Variants in ADAM7 observed in about 807,000 individuals in gnomAD.
ADAM7 encodes ADAM metallopeptidase domain 7.
A neutral mutation model predicts 102.9 loss-of-function variants in ADAM7; 97 were observed. That is an observed-to-expected ratio of 0.94 (90% confidence interval 0.80 to 1.12). ADAM7 has a LOEUF of 1.12. ADAM7 is among the 50% of genes most tolerant of loss of function. The pLI is 0.00. For missense variants in ADAM7, 991 were observed against 908.7 expected (o/e 1.09, Z -1.16); for synonymous variants, 334 against 304.4 (o/e 1.10, Z -1.01).
intron 1 of ADAM7, 98 bp downstream of exon 1, chr8:24,441,258 C>A: frequency 8.1e-7 from 1 of 1,227,494 alleles, no homozygotes; most frequent in Non-Finnish European, 1.2e-6. Flanking sequence ...AAACATTAAA[C>A]GTTGATGATT....
Position 24,487,249 on chromosome 8 carries a change from T to C in ADAM7, c.1023T>C (p.Leu341=). 6.2e-7 allele frequency: 1 copy of C among 1,613,924 alleles called. No homozygotes were observed. The highest frequency in any genetic ancestry group is 8.5e-7 in the Non-Finnish European group (1 of 1,179,894). ...NRMAHQLGHN[L]GMQHDEFPCT... is the part of the protein sequence containing the mutation. Reference sequence around the variant, plus strand: ...TGGCACATCAACTGGGGCATAACCTTGGGATGCAGCATGACGAGTTCCCAT... The same window carrying C: ...TGGCACATCAACTGGGGCATAACCTCGGGATGCAGCATGACGAGTTCCCAT... The change falls in exon 11 of 22, where the codon CTT becomes CTC. Residue 341 remains leucine, a synonymous_variant. Transcript: ENST00000175238.
chr8:24,470,180 C>T (rs1303664596), intron 7 of ADAM7, among the ~76,000 whole-genome samples: 3 of 151,984 alleles, frequency 2.0e-5, no homozygotes, highest in Non-Finnish European at 4.4e-5. Context: ...ACAGAGCATA[C>T]GTTTTAAACA....
At chr8:24,475,495 C>A (rs1819737591) in intron 7 of ADAM7, among the ~76,000 whole-genome samples, 1 of 151,942 alleles carries the variant, frequency 6.6e-6, no homozygotes, top group Admixed American at 6.6e-5. Context: ...AAAATATGTT[C>A]ACAATGTATT....
At chr8:24,482,648 C>T (rs1819997738) in intron 9 of ADAM7, among the ~76,000 whole-genome samples, 1 of 152,038 alleles carries the variant, frequency 6.6e-6, no homozygotes, top group Admixed American at 6.6e-5. Flanking sequence ...ACTTGGGAAG[C>T]TGAGGCTGGA....
chr8:24,509,237 A>G lies in ADAM7; in HGVS notation c.*691A>G. Reference sequence around the variant, plus strand: ...GGGTTACAAGAATTTCAGAAAATTTACTCCAAGTGAGAGGACATACTCACA... The same window carrying G: ...GGGTTACAAGAATTTCAGAAAATTTGCTCCAAGTGAGAGGACATACTCACA... On this transcript the variant is annotated 3_prime_UTR_variant, in exon 22 of 22. Transcript: ENST00000175238. The G allele has an allele frequency of 2.0e-6, 2 of 985,378 alleles. No individual in the cohort carries two copies. Among genetic ancestry groups the G allele is most frequent in the East Asian group, 2.3e-4 (2 of 8,788 alleles). The allele number at this position is 985,378 out of a possible 1,614,324, so 61.0% of individuals were successfully genotyped here.
chr8:24,493,672 G>A (rs1403891697), intron 16 of ADAM7, among the ~76,000 whole-genome samples: 1 of 152,134 alleles, frequency 6.6e-6, no homozygotes, highest in Non-Finnish European at 1.5e-5. Context: ...TCAAAAAATT[G>A]CTTTCTTAGT....
intron 8 of ADAM7, among the ~76,000 whole-genome samples, chr8:24,480,305 C>T (rs532826910): frequency 6.6e-6 from 1 of 152,088 alleles, no homozygotes; most frequent in Non-Finnish European, 1.5e-5. Context: ...ATAAAACAAA[C>T]AATTTAAGCT....
intron 20 of ADAM7, among the ~76,000 whole-genome samples, chr8:24,504,168 G>C (rs1228896991): frequency 6.6e-6 from 1 of 152,010 alleles, no homozygotes. Flanking sequence ...AGGAGTTCTA[G>C]ACCAGGCTGA....
rs1820648433 is a variant in ADAM7, at chr8:24,498,863, GC to G, written c.1843-372del. ...AATTGTGGTATAATAAACATACATT[GC>G]TAAACCAAAAGAAAAACTTCATTGA... On this transcript the variant is annotated intron_variant, in intron 16 of 21. Transcript: ENST00000175238. 8.6e-5 allele frequency among the ~76,000 whole-genome samples: 13 copies of G among 151,804 alleles called. No homozygotes were observed. In the South Asian group the frequency reaches 2.7e-3, roughly 32 times the overall value.
rs1393538642 is a variant in ADAM7 at position 24,489,238 on chromosome 8, C to T, written c.1171C>T (p.Leu391Phe). The T allele has an allele frequency of 4.3e-6, 7 of 1,613,596 alleles. No individual in the cohort carries two copies. The highest frequency in any genetic ancestry group is 5.9e-6 in the Non-Finnish European group (7 of 1,179,750). ...GAAGGATTATAAGCCAACATGCATG[C>T]TCAACATTCCATTTCCTTACAATTT... ...YLKDYKPTCM[L>F]NIPFPYNFHD... Residue 391 changes from leucine (L) to phenylalanine (F), a missense_variant, in exon 12 of 22, where the codon CTC (leucine) becomes TTC (phenylalanine). Physicochemically the swap from Leu to Phe is conservative, Grantham distance 22. Coordinates refer to ENST00000175238, the MANE Select transcript of ADAM7 (RefSeq NM_003817.4).
intron 3 of ADAM7, among the ~76,000 whole-genome samples, chr8:24,457,625 G>T (rs1819085637): frequency 6.6e-6 from 1 of 152,078 alleles, no homozygotes; most frequent in African/African-American, 2.4e-5. Flanking sequence ...GTTCCTGTCT[G>T]TGACCTTTTA....
rs532826910 is a variant in ADAM7 at position 24,480,305 on chromosome 8, C to A, written c.706-1837C>A. 3.8e-3 allele frequency among the ~76,000 whole-genome samples: 585 copies of A among 152,206 alleles called. 6 individuals are homozygous for A. Among genetic ancestry groups the A allele is most frequent in the Non-Finnish European group, 6.2e-3 (424 of 68,006 alleles). On this transcript the variant is annotated intron_variant, in intron 8 of 21. Transcript: ENST00000175238. ...GTTACATAGCACATTATAAAACAAACAATTTAAGCTAACAAAGTCTAAAAG... is the reference window on the plus strand; with the variant it reads ...GTTACATAGCACATTATAAAACAAAAAATTTAAGCTAACAAAGTCTAAAAG...
At chr8:24,506,115 A>G (rs1372912999) in intron 20 of ADAM7, 5 of 1,549,956 alleles carry the variant, frequency 3.2e-6, no homozygotes, top group African/African-American at 1.4e-5. Context: ...ATCCTTGGAA[A>G]GCCTGCCCAC....
Position 24,491,912 on chromosome 8 carries a change from G to T in ADAM7, c.1366G>T (p.Ala456Ser). Residue 456 changes from alanine to serine, a missense_variant, in exon 14 of 22, where the codon GCA (alanine) becomes TCA (serine). Coordinates refer to ENST00000175238, the MANE Select transcript of ADAM7 (RefSeq NM_003817.4). ...TGTTTTTCCTCAACAGATAAAAAAA[G>T]CAGGGTCCATATGCAGACCGGCGAA... Reference protein sequence around the residue: ...ECCESCQIKKAGSICRPAKDE... With the variant: ...ECCESCQIKKSGSICRPAKDE... 1 of 1,600,988 alleles carries T rather than the reference G, an allele frequency of 6.2e-7. No homozygotes were observed. The highest frequency in any genetic ancestry group is 1.1e-5 in the South Asian group (1 of 88,708).
At chr8:24,454,642 G>T (rs902919494) in intron 3 of ADAM7, among the ~76,000 whole-genome samples, 2 of 152,118 alleles carry the variant, frequency 1.3e-5, no homozygotes, top group Non-Finnish European at 2.9e-5. Flanking sequence ...TTCTGCTCGT[G>T]CACGGTGCGC....
chr8:24,461,775 A>G (rs935303499), intron 3 of ADAM7, among the ~76,000 whole-genome samples: 3 of 16,692 alleles, frequency 1.8e-4, no homozygotes, highest in Non-Finnish European at 3.6e-4. Flanking sequence ...TATTTTAAGG[A>G]TATCAAGTAA....
rs552992383 is a variant in ADAM7, at chr8:24,471,575, C to G, written c.633+2755C>G. The stretch of plus-strand genomic sequence containing the variant: ...ACAATATTCAGTATAGTAACATGCT[C>G]TACAGGTTTGCAGCCTAGGAACAAT... On this transcript the variant is annotated intron_variant, in intron 7 of 21. Transcript: ENST00000175238. Among the ~76,000 whole-genome samples the G allele has an allele frequency of 5.3e-5, 8 of 151,916 alleles. No homozygotes were observed. The East Asian group carries it at 1.5e-3, about 29-fold the overall frequency.
intron 12 of ADAM7, among the ~76,000 whole-genome samples, chr8:24,489,838 A>G (rs1012156387): frequency 6.6e-6 from 1 of 152,206 alleles, no homozygotes; most frequent in Non-Finnish European, 1.5e-5. Flanking sequence ...CCTTGAGGCA[A>G]TTTTTAAAGT....
intron 2 of ADAM7, among the ~76,000 whole-genome samples, chr8:24,446,444 T>C (rs1408063491): frequency 1.3e-5 from 2 of 152,154 alleles, no homozygotes; most frequent in African/African-American, 4.8e-5. Context: ...ACATGACCAC[T>C]TCCTTTCTTC....
Sources: gnomAD v4.1 joint callset for allele counts (sites outside exome capture counted in the v4.1 genomes callset) on GRCh38, gnomAD v4.1.1 for gene constraint, MANE v1.5 for transcripts, NCBI Gene and HGNC (gene_info 2026-07-23, HGNC 2026-07-21) for gene names.